The following DOCK8 variants were observed in gnomAD, a reference collection of about 807,000 sequenced individuals.
DOCK8 encodes the protein dedicator of cytokinesis protein 8.
DOCK8 carries 141 observed loss-of-function variants against 245.6 expected under a neutral mutation model. That is an observed-to-expected ratio of 0.57 (90% CI 0.50 to 0.66). The LOEUF (loss-of-function observed/expected upper bound fraction) is 0.66, where lower values mean the gene tolerates loss of function less well. Among genes scored for constraint, DOCK8 ranks in the 30% least tolerant of loss-of-function variants. DOCK8 has a pLI of 0.00. For synonymous variants in DOCK8, 1,168 were observed against 970.2 expected, an observed-to-expected ratio of 1.20 and a Z score of -3.79; for missense variants, 2,965 against 2,603.4, an observed-to-expected ratio of 1.14 and a Z score of -3.02.
intron 2 of DOCK8, among the ~76,000 whole-genome samples, chr9:271,987 G>C (rs543176628): frequency 6.6e-6 from 1 of 152,194 alleles, no homozygotes; most frequent in South Asian, 2.1e-4. Context: ...AGGTGACTCA[G>C]TCTCATCCAA....
intron 24 of DOCK8, among the ~76,000 whole-genome samples, chr9:395,548 A>G (rs1564004997): frequency 6.6e-6 from 1 of 151,814 alleles, no homozygotes; most frequent in Non-Finnish European, 1.5e-5. Context: ...TAGTAGTAGT[A>G]GTAGTAGTAG....
intron 9 of DOCK8, among the ~76,000 whole-genome samples, chr9:331,788 G>A (rs1563929685): frequency 6.6e-6 from 1 of 152,220 alleles, no homozygotes; most frequent in African/African-American, 2.4e-5. Flanking sequence ...AGCAAAGCAA[G>A]AAGCTGCACA....
intron 31 of DOCK8, 59 bp from the exon 32 acceptor site, chr9:420,888 ACT>A: frequency 6.2e-7 from 1 of 1,604,162 alleles, no homozygotes; most frequent in Admixed American, 1.7e-5. Flanking sequence ...TGTTTTGGTA[ACT>A]CTCCCCATCA....
chr9:375,874 G>A (rs1321830998), intron 18 of DOCK8, among the ~76,000 whole-genome samples: 1 of 152,166 alleles, frequency 6.6e-6, no homozygotes, highest in Non-Finnish European at 1.5e-5. Flanking sequence ...GTGTGTGCCT[G>A]TAGTCCCCGC....
At chr9:345,143 G>C (rs1299230886) in intron 14 of DOCK8, among the ~76,000 whole-genome samples, 1 of 152,124 alleles carries the variant, frequency 6.6e-6, no homozygotes, top group Admixed American at 6.5e-5. Context: ...GAGTCTGTCA[G>C]GTAACTTTCA....
At position 429,786 on chromosome 9, in the gene DOCK8, G is replaced by A; in HGVS notation, c.4558G>A (p.Asp1520Asn). The change falls in exon 36 of 48, where the codon GAT becomes AAT. Residue 1520 changes from aspartate (D) to asparagine (N), a missense_variant. Around this residue, in one of 3 missense-constraint regions of DOCK8, gnomAD observed 2,825 missense variants for 2,453.5 expected, o/e 1.15. Transcript: ENST00000432829. ...CCTGCACCACTGCAGCAGCAGCATG[G>A]ATGTCACCCGGAGCCAAGCCTGTGC... Reference protein sequence around the residue: ...QVLHHCSSSMDVTRSQACATL... With the variant: ...QVLHHCSSSMNVTRSQACATL... 6.2e-7 allele frequency: 1 copy of A among 1,614,176 alleles called. No individual in the cohort carries two copies. The highest frequency in any genetic ancestry group is 8.5e-7 in the Non-Finnish European group (1 of 1,180,040).
At chr9:333,464 G>A (rs978878297) in intron 10 of DOCK8, among the ~76,000 whole-genome samples, 7 of 152,138 alleles carry the variant, frequency 4.6e-5, no homozygotes, top group African/African-American at 7.2e-5. Context: ...AGCCGGGCAT[G>A]GTGGCACGTG....
In DOCK8 at chr9:446,465, G is replaced by T. The variant is rs762709300; in HGVS notation, c.5676G>T (p.Arg1892Ser). 5 of 1,614,178 alleles carry T rather than the reference G, an allele frequency of 3.1e-6. No individual in the cohort carries two copies. In the Admixed American group the frequency reaches 8.3e-5, roughly 27 times the overall value. The change falls in exon 44 of 48, where the codon AGG (arginine) becomes AGT (serine). Residue 1892 changes from arginine to serine, a missense_variant. Coordinates refer to ENST00000432829, the MANE Select transcript of DOCK8 (RefSeq NM_203447.4). ...TTGAGAAGAATTTCAACCTCCGGAG[G>T]TTCATGTACACCACCCCGTTCACCC... The part of the protein sequence containing the change: ...TYFEKNFNLR[R>S]FMYTTPFTLE...
chr9:266,307 G>A (rs1369345572), intron 1 of DOCK8, among the ~76,000 whole-genome samples: 1 of 151,978 alleles, frequency 6.6e-6, no homozygotes, highest in Non-Finnish European at 1.5e-5. Context: ...CTACCCACTG[G>A]ATCAGGCTTC....
chr9:342,323 A>G (rs1397745622), intron 14 of DOCK8, among the ~76,000 whole-genome samples: 1 of 120,322 alleles, frequency 8.3e-6, no homozygotes, highest in Non-Finnish European at 1.7e-5. Context: ...TTGTTTGAGT[A>G]TTACTATGGA....
In DOCK8 at chr9:461,527, A is replaced by ATTTT. The variant is rs530827485; in HGVS notation, c.6069-1964_6069-1961dup. On this transcript the variant is annotated intron_variant, in intron 46 of 47. Coordinates refer to ENST00000432829, the MANE Select transcript of DOCK8 (RefSeq NM_203447.4). ...GAGTTTTTTGTCTTTTAGCAACTGC[A>ATTTT]TTTTTTTTTTTTTTTTTTTTTTTTT... Among the ~76,000 whole-genome samples, 73 of 67,286 alleles carry ATTTT rather than the reference A, an allele frequency of 1.1e-3. 21 individuals are homozygous for ATTTT. Among genetic ancestry groups the ATTTT allele is most frequent in the African/African-American group, 4.3e-3 (62 of 14,470 alleles). 44.1% of individuals were successfully genotyped at this position (67,286 alleles called of 152,430 possible). A position where few individuals can be genotyped will look rare whatever the true frequency, so the allele number is the denominator to read the frequency against.
intron 14 of DOCK8, among the ~76,000 whole-genome samples, chr9:344,508 A>T (rs12347078): frequency 1.8e-4 from 27 of 151,918 alleles, no homozygotes; most frequent in African/African-American, 6.5e-4. Flanking sequence ...GAATCGAGTG[A>T]GGTCTGAACC....
chr9:418,540 T>C (rs2056134211), intron 30 of DOCK8, among the ~76,000 whole-genome samples: 1 of 152,222 alleles, frequency 6.6e-6, no homozygotes. Context: ...AGTGCTGGGA[T>C]TACAGGCGTG....
At chr9:463,397 G>C (rs2057866638) in intron 46 of DOCK8, 120 bp from the exon 47 acceptor site, 3 of 1,209,402 alleles carry the variant, frequency 2.5e-6, no homozygotes, top group African/African-American at 1.5e-5. Context: ...ATCCCGATAT[G>C]CCACCCAGTT....
At chr9:244,054 G>T (rs903561204) in intron 1 of DOCK8, among the ~76,000 whole-genome samples, 2 of 152,004 alleles carry the variant, frequency 1.3e-5, no homozygotes, top group East Asian at 3.9e-4. Flanking sequence ...CGGGCGTGGC[G>T]GCGACCGCTT....
chr9:399,735 G>A (rs2054653350), intron 26 of DOCK8, among the ~76,000 whole-genome samples: 2 of 151,970 alleles, frequency 1.3e-5, no homozygotes, highest in African/African-American at 2.4e-5. Context: ...TGAGCACATA[G>A]CAAATATTTC....
At chr9:337,673 C>T (rs1238518589) in intron 12 of DOCK8, among the ~76,000 whole-genome samples, 1 of 152,140 alleles carries the variant, frequency 6.6e-6, no homozygotes, top group Non-Finnish European at 1.5e-5. Context: ...TAAAAAACTT[C>T]CTAGACTTGT....
chr9:402,569 C>G (rs964762164), intron 26 of DOCK8, among the ~76,000 whole-genome samples: 1 of 152,212 alleles, frequency 6.6e-6, no homozygotes, highest in Admixed American at 6.5e-5. Flanking sequence ...TTGATCCCAG[C>G]TCTCTAGATA....
intron 28 of DOCK8, among the ~76,000 whole-genome samples, chr9:413,134 A>G (rs1195179213): frequency 1.3e-5 from 2 of 152,212 alleles, no homozygotes; most frequent in African/African-American, 2.4e-5. Context: ...ATTTTTGACA[A>G]GAGTGCCAAA....
Sources: allele counts gnomAD v4.1 joint callset (sites outside exome capture counted in the v4.1 genomes callset), GRCh38; gene constraint gnomAD v4.1.1; regional missense constraint gnomAD v4.1.1; transcripts MANE v1.5; gene names NCBI Gene and HGNC (gene_info 2026-07-23, HGNC 2026-07-21).